FER: variants seen among roughly 807,000 people sequenced by gnomAD.
FER encodes tyrosine-protein kinase Fer.
A neutral mutation model predicts 111.0 loss-of-function variants in FER; 63 were observed. The observed-to-expected ratio is 0.57, with a 90% CI of 0.46 to 0.70. The LOEUF (loss-of-function observed/expected upper bound fraction) is 0.70, where lower values mean the gene tolerates loss of function less well. FER is among the 30% of genes least tolerant of loss of function. The probability of loss-of-function intolerance (pLI) is 0.00; values close to 1 mark genes in which losing one functional copy is unlikely to be tolerated. For missense variants in FER, 914 were observed against 954.0 expected, an observed-to-expected ratio of 0.96 and a Z score of 0.55; for synonymous variants, 327 against 313.9, an observed-to-expected ratio of 1.04 and a Z score of -0.44.
chr5:108,804,985 G>C (rs1001345355), intron 3 of FER, among the ~76,000 whole-genome samples: 16 of 151,104 alleles, frequency 1.1e-4, no homozygotes, highest in Admixed American at 7.2e-4. Context: ...TTTTTAATTG[G>C]ATAGGTTTTT....
At chr5:108,950,894 C>G (rs1374182591) in intron 11 of FER, among the ~76,000 whole-genome samples, 1 of 152,046 alleles carries the variant, frequency 6.6e-6, no homozygotes, top group East Asian at 1.9e-4. Flanking sequence ...CTTTTGTAAA[C>G]AGTTGATTTC....
chr5:108,845,111 ATTAAC>A (rs1483491988), intron 5 of FER, among the ~76,000 whole-genome samples: 12 of 135,346 alleles, frequency 8.9e-5, no homozygotes, highest in African/African-American at 2.9e-4. Flanking sequence ...ATTTTTGAAT[ATTAAC>A]TTTTATCCTA....
At chr5:108,937,672 T>G (rs1280758789) in intron 10 of FER, among the ~76,000 whole-genome samples, 1 of 151,864 alleles carries the variant, frequency 6.6e-6, no homozygotes, top group Non-Finnish European at 1.5e-5. Flanking sequence ...GAATAAATGT[T>G]TCATGTAGGC....
chr5:108,766,504 T>C (rs1032932323), intron 1 of FER, among the ~76,000 whole-genome samples: 6 of 152,204 alleles, frequency 3.9e-5, no homozygotes, highest in Admixed American at 2.6e-4. Context: ...TTTAATTACA[T>C]ATAGATTAGA....
intron 5 of FER, among the ~76,000 whole-genome samples, chr5:108,845,503 G>A (rs1352771233): frequency 3.9e-5 from 6 of 151,972 alleles, no homozygotes; most frequent in African/African-American, 1.4e-4. Context: ...TTTTAAAAAT[G>A]AATTTCTTAG....
In FER at chr5:109,187,629, CATTATT is replaced by C. The variant is rs1759031638; in HGVS notation, c.*55_*60del. 11 of 1,587,190 alleles carry C rather than the reference CATTATT, an allele frequency of 6.9e-6. No homozygotes were observed. The highest frequency in any genetic ancestry group is 9.5e-6 in the Non-Finnish European group (11 of 1,162,086). ...AGGACTCTGTCCTCCAGCAGAGTAA[CATTATT>C]GTTCTCATTAACAATGAATTTATAC... On this transcript the variant is annotated 3_prime_UTR_variant, in exon 20 of 20. Transcript: ENST00000281092.
chr5:108,917,151 T>TA (rs1389110290), intron 10 of FER, among the ~76,000 whole-genome samples: 2 of 152,172 alleles, frequency 1.3e-5, no homozygotes, highest in Admixed American at 1.3e-4. Context: ...GATATGTAGA[T>TA]ACGTTGATTT....
chr5:109,037,376 T>C (rs1447384136), intron 13 of FER, 46 bp from the exon 14 acceptor site: 3 of 1,529,654 alleles, frequency 2.0e-6, no homozygotes, highest in African/African-American at 1.4e-5. Flanking sequence ...CTTCAAGAAG[T>C]GTACCCTTGC....
intron 17 of FER, among the ~76,000 whole-genome samples, chr5:109,155,118 T>C (rs1755226784): frequency 1.3e-5 from 2 of 151,910 alleles, no homozygotes; most frequent in African/African-American, 4.8e-5. Flanking sequence ...CACATTCATA[T>C]TCTCTTGTCA....
At chr5:109,151,789 T>C (rs753670538) in intron 17 of FER, among the ~76,000 whole-genome samples, 34 of 152,112 alleles carry the variant, frequency 2.2e-4, no homozygotes, top group Non-Finnish European at 4.0e-4. Flanking sequence ...GACGAAGTTA[T>C]GAGACAAAGT....
chr5:109,111,755 A>G (rs1264092474), intron 17 of FER, among the ~76,000 whole-genome samples: 4 of 152,066 alleles, frequency 2.6e-5, no homozygotes, highest in Admixed American at 6.6e-5. Context: ...TTAAACCATC[A>G]AATCTCATAA....
intron 13 of FER, among the ~76,000 whole-genome samples, chr5:109,020,469 A>G (rs752912944): frequency 6.6e-6 from 1 of 151,974 alleles, no homozygotes; most frequent in Non-Finnish European, 1.5e-5. Context: ...GTTATTTAAT[A>G]AAAAGAAATA....
chr5:108,981,779 A>G (rs752818509), intron 13 of FER, among the ~76,000 whole-genome samples: 1 of 152,118 alleles, frequency 6.6e-6, no homozygotes, highest in Non-Finnish European at 1.5e-5. Context: ...CTGCATAACT[A>G]TTAAGTGGCA....
intron 16 of FER, among the ~76,000 whole-genome samples, chr5:109,055,790 C>CAAA (rs77291685): frequency 2.6e-4 from 19 of 72,462 alleles, no homozygotes; most frequent in Middle Eastern, 9.3e-3. Context: ...AACCTTGTCT[C>CAAA]AAAAAAAAAA....
At chr5:108,760,936 TC>T (rs1751664956) in intron 1 of FER, among the ~76,000 whole-genome samples, 1 of 148,636 alleles carries the variant, frequency 6.7e-6, no homozygotes, top group Non-Finnish European at 1.5e-5. Flanking sequence ...TCTTTTCTTT[TC>T]TTTTTTTTTT....
intron 13 of FER, among the ~76,000 whole-genome samples, chr5:108,993,422 G>A (rs1763532813): frequency 3.3e-5 from 5 of 152,128 alleles, no homozygotes; most frequent in East Asian, 1.9e-4. Flanking sequence ...GCCTGCAATC[G>A]CAGGCACTCG....
At chr5:108,856,455 C>T (rs1280374839) in intron 5 of FER, among the ~76,000 whole-genome samples, 3 of 152,098 alleles carry the variant, frequency 2.0e-5, no homozygotes, top group Non-Finnish European at 4.4e-5. Context: ...TGTTCATCAA[C>T]TTATTAGATA....
intron 3 of FER, among the ~76,000 whole-genome samples, chr5:108,807,566 T>C (rs1383003638): frequency 6.6e-6 from 1 of 152,340 alleles, no homozygotes; most frequent in East Asian, 1.9e-4. Context: ...CTTTCAAAGA[T>C]CAAAGTTTTT....
In FER at chr5:108,970,276, C is replaced by T. The variant is rs563354988; in HGVS notation, c.1656+10929C>T. Among the ~76,000 whole-genome samples, 8 of 151,638 alleles carry T rather than the reference C, an allele frequency of 5.3e-5. No homozygotes were observed. The South Asian group carries it at 1.2e-3, about 24-fold the overall frequency. ...TGTTGCCCAGGCTGGAGTGCAGTGG[C>T]GCAATCTTGGCTCACTGCAAGCTCT... is the stretch of plus-strand genomic sequence containing the variant. On this transcript the variant is annotated intron_variant, in intron 13 of 19. Transcript: ENST00000281092.
Sources: allele counts gnomAD v4.1 joint callset (sites outside exome capture counted in the v4.1 genomes callset), GRCh38; gene constraint gnomAD v4.1.1; transcripts MANE v1.5; gene names NCBI Gene and HGNC (gene_info 2026-07-23, HGNC 2026-07-21).